The following RBFOX1 variants were observed in gnomAD, a reference collection of about 807,000 sequenced individuals.
RBFOX1 encodes RNA binding fox-1 homolog 1.
In RBFOX1, 8 loss-of-function variants were observed where a neutral mutation model predicts 57.7. The ratio of observed to expected loss-of-function variants is 0.14; its 90% confidence interval spans 0.08 to 0.25. RBFOX1 has a LOEUF of 0.25. RBFOX1 is among the 10% of genes least tolerant of loss of function. The pLI, the probability that RBFOX1 is intolerant of heterozygous loss-of-function variation, is 1.00. For synonymous variants in RBFOX1, 326 were observed against 222.4 expected, an observed-to-expected ratio of 1.47 and a Z score of -4.15; for missense variants, 611 against 548.5, an observed-to-expected ratio of 1.11 and a Z score of -1.14.
chr16:6,753,366 A>G (rs576768026), intron 3 of RBFOX1, among the ~76,000 whole-genome samples: 12 of 152,324 alleles, frequency 7.9e-5, no homozygotes, highest in African/African-American at 2.2e-4. Context: ...ACAAAAGTGA[A>G]TAGTCATATA....
chr16:6,284,783 G>A (rs769811545), intron 1 of RBFOX1, among the ~76,000 whole-genome samples: 1 of 152,132 alleles, frequency 6.6e-6, no homozygotes, highest in African/African-American at 2.4e-5. Context: ...ATTCAGCTAG[G>A]TGGTTTATGC....
At chr16:7,509,359 C>A (rs1207613735) in intron 4 of RBFOX1, among the ~76,000 whole-genome samples, 1 of 150,154 alleles carries the variant, frequency 6.7e-6, no homozygotes, top group Admixed American at 6.6e-5. Flanking sequence ...TGAATGAATT[C>A]GTTTACATAA....
rs1401225763 is a variant in RBFOX1 at position 7,029,262 on chromosome 16, A to G, written c.-15-22795A>G. On this transcript the variant is annotated intron_variant, in intron 3 of 15. Coordinates refer to ENST00000550418, the MANE Select transcript of RBFOX1 (RefSeq NM_018723.4). ...TATACGTATATATATACACACATAT[A>G]TATACGTATACGTATATATATACAC... is the stretch of plus-strand genomic sequence containing the variant. Among the ~76,000 whole-genome samples, 37 of 135,098 alleles carry G rather than the reference A, an allele frequency of 2.7e-4. 4 individuals are homozygous for G. The highest frequency in any genetic ancestry group is 8.4e-4 in the African/African-American group (30 of 35,920). 88.6% of individuals were successfully genotyped at this position (135,098 alleles called of 152,430 possible).
chr16:6,415,624 C>T (rs1344681416), intron 2 of RBFOX1, among the ~76,000 whole-genome samples: 2 of 152,112 alleles, frequency 1.3e-5, no homozygotes, highest in Non-Finnish European at 2.9e-5. Context: ...TCGCTTGAAT[C>T]CGGGAGATGG....
downstream of RBFOX1, among the ~76,000 whole-genome samples, chr16:5,604,909 T>A (rs759179112): frequency 6.6e-6 from 1 of 152,146 alleles, no homozygotes; most frequent in South Asian, 2.1e-4. Context: ...CCTGCTGCAG[T>A]CTCAGCAAAT....
At chr16:7,636,282 T>C (rs2061741222) in intron 11 of RBFOX1, among the ~76,000 whole-genome samples, 1 of 152,266 alleles carries the variant, frequency 6.6e-6, no homozygotes, top group African/African-American at 2.4e-5. Flanking sequence ...GCAAATTGCA[T>C]AGTGAAAAAT....
intron 4 of RBFOX1, among the ~76,000 whole-genome samples, chr16:7,347,411 A>G (rs544936875): frequency 2.1e-3 from 322 of 152,252 alleles, no homozygotes; most frequent in Admixed American, 3.3e-3. Flanking sequence ...ATCAGGTTTC[A>G]TGAGACTTGT....
rs111530526 is a variant in RBFOX1, at chr16:7,254,887, G to A, written c.27+202789G>A. Among the ~76,000 whole-genome samples, 95 of 152,072 alleles carry A rather than the reference G, an allele frequency of 6.2e-4. 1 individual carries two copies. Among genetic ancestry groups the A allele is most frequent in the African/African-American group, 2.3e-3 (94 of 41,484 alleles). ...ATAGGTATGAATTTTTCAAGAATGTGGTCACTGCATTTTGTACCATCATTT... is the reference window on the plus strand; with the variant it reads ...ATAGGTATGAATTTTTCAAGAATGTAGTCACTGCATTTTGTACCATCATTT... On this transcript the variant is annotated intron_variant, in intron 4 of 15. Transcript: ENST00000550418.
intron 3 of RBFOX1, 141 bp from the exon 4 acceptor site, chr16:7,051,916 C>G (rs542555607): frequency 3.1e-6 from 4 of 1,309,282 alleles, no homozygotes; most frequent in South Asian, 2.8e-5. Flanking sequence ...GCTATGTAGA[C>G]CTAAAGAAAA....
At chr16:5,710,895 G>T (rs2051463344) in intron 3 of RBFOX1, among the ~76,000 whole-genome samples, 1 of 152,212 alleles carries the variant, frequency 6.6e-6, no homozygotes, top group Non-Finnish European at 1.5e-5. Context: ...CTTTGTCTTG[G>T]TATGAGCAAG....
chr16:6,189,975 T>C (rs574549001), intron 1 of RBFOX1, among the ~76,000 whole-genome samples: 15 of 152,308 alleles, frequency 9.8e-5, no homozygotes, highest in African/African-American at 3.6e-4. Flanking sequence ...TGTTTTCTTG[T>C]AGTAGTTTCA....
intron 1 of RBFOX1, among the ~76,000 whole-genome samples, chr16:5,286,111 A>C (rs1033871099): frequency 6.6e-6 from 1 of 152,132 alleles, no homozygotes; most frequent in Non-Finnish European, 1.5e-5. Context: ...GGTTTTGCTG[A>C]GGATGGGGAT....
At chr16:6,726,631 A>G (rs1018712699) in intron 3 of RBFOX1, among the ~76,000 whole-genome samples, 2 of 152,130 alleles carry the variant, frequency 1.3e-5, no homozygotes, top group African/African-American at 4.8e-5. Context: ...AAACACTATG[A>G]TTTCAAACAG....
chr16:7,695,426 G>A (rs1280018512), intron 14 of RBFOX1, among the ~76,000 whole-genome samples: 3 of 152,044 alleles, frequency 2.0e-5, no homozygotes, highest in Non-Finnish European at 4.4e-5. Flanking sequence ...GGCCAAGGTG[G>A]GTGGATCATG....
chr16:6,897,268 A>G (rs535101581), intron 3 of RBFOX1, among the ~76,000 whole-genome samples: 1 of 152,324 alleles, frequency 6.6e-6, no homozygotes, highest in African/African-American at 2.4e-5. Context: ...CTAAAAATAC[A>G]AAAATTAGCT....
chr16:7,349,913 G>A (rs1402846772), intron 4 of RBFOX1, among the ~76,000 whole-genome samples: 2 of 152,176 alleles, frequency 1.3e-5, no homozygotes, highest in Admixed American at 6.5e-5. Flanking sequence ...TTGGGAGGCC[G>A]AGGTGGGTGG....
intron 1 of RBFOX1, among the ~76,000 whole-genome samples, chr16:6,251,338 C>T (rs539399823): frequency 2.6e-5 from 4 of 152,212 alleles, no homozygotes; most frequent in African/African-American, 7.2e-5. Flanking sequence ...ACATGGGTAC[C>T]ATTATTATTC....
At position 7,518,295 on chromosome 16, in the gene RBFOX1, C is replaced by T; in HGVS notation, c.176C>T (p.Pro59Leu). The T allele has an allele frequency of 1.2e-6, 2 of 1,614,166 alleles. No individual in the cohort carries two copies. Among genetic ancestry groups the T allele is most frequent in the South Asian group, 1.1e-5 (1 of 91,080 alleles). Residue 59 changes from proline to leucine, a missense_variant, in exon 5 of 16, where the codon CCC (proline) becomes CTC (leucine). This residue lies in a region of RBFOX1 where 245 missense variants were observed against 159.1 expected (regional missense o/e 1.54). Coordinates refer to ENST00000550418, the MANE Select transcript of RBFOX1 (RefSeq NM_018723.4). ...APEYTGQTTV[P>L]EHTLNLYPPA... ...GAGTACACAGGCCAGACCACGGTTC[C>T]CGAGCACACATTAAACCTGTACCCT... is the stretch of plus-strand genomic sequence containing the variant.
At chr16:5,848,841 T>A (rs138608694) in intron 3 of RBFOX1, among the ~76,000 whole-genome samples, 93 of 151,898 alleles carry the variant, frequency 6.1e-4, no homozygotes, top group Admixed American at 5.4e-3. Context: ...ACTAGCTCCT[T>A]GGGAGGCTGA....
Sources: allele counts gnomAD v4.1 joint callset (sites outside exome capture counted in the v4.1 genomes callset), GRCh38; gene constraint gnomAD v4.1.1; regional missense constraint gnomAD v4.1.1; transcripts MANE v1.5; gene names NCBI Gene and HGNC (gene_info 2026-07-23, HGNC 2026-07-21).